The following BRWD1 variants were observed in gnomAD, a reference collection of about 807,000 sequenced individuals.
The protein encoded by BRWD1 is bromodomain and WD repeat domain containing 1, also known as bromodomain and WD repeat-containing protein 1.
BRWD1 carries 82 observed loss-of-function variants against 251.2 expected under a neutral mutation model. The observed-to-expected ratio is 0.33, with a 90% CI of 0.27 to 0.39. The LOEUF (loss-of-function observed/expected upper bound fraction) is 0.39. Ranked by LOEUF, BRWD1 falls within the 10% of genes least tolerant of loss-of-function variation. The probability of loss-of-function intolerance (pLI) is 1.00; values close to 1 mark genes in which losing one functional copy is unlikely to be tolerated. For missense variants in BRWD1, 2,233 were observed against 2,711.6 expected (o/e 0.82, Z 3.92); for synonymous variants, 918 against 902.8 (o/e 1.02, Z -0.30).
intron 29 of BRWD1, 26 bp downstream of exon 29, chr21:39,224,382 T>C: frequency 2.8e-6 from 4 of 1,409,478 alleles, no homozygotes; most frequent in Non-Finnish European, 3.9e-6. Flanking sequence ...AATAAAATGT[T>C]TTCATTATTT....
At chr21:39,222,489 C>G (rs1466765180) in intron 29 of BRWD1, among the ~76,000 whole-genome samples, 1 of 152,166 alleles carries the variant, frequency 6.6e-6, no homozygotes, top group East Asian at 1.9e-4. Flanking sequence ...TATGAAAACA[C>G]TCAAAGGCGA....
intron 36 of BRWD1, 51 bp from the exon 37 acceptor site, chr21:39,206,325 T>G (rs763729140): frequency 1.5e-6 from 2 of 1,317,464 alleles, no homozygotes; most frequent in South Asian, 2.8e-5. Flanking sequence ...TTAAAAGTAC[T>G]TAAGAAATAA....
In BRWD1 at chr21:39,264,585, A is replaced by G. The variant is rs369497599; in HGVS notation, c.1760T>C (p.Met587Thr). ...TACATCTACCAAGAATGGTGGAGGC[A>G]TAAGATGAGGAGCCTGCTGAGTTTG... is the stretch of plus-strand genomic sequence containing the variant. ...DEQTQQAPHLMPPPFLVDVDG... is the reference protein window; with the variant it reads ...DEQTQQAPHLTPPPFLVDVDG... Residue 587 changes from methionine (M) to threonine (T), a missense_variant, in exon 17 of 41, where the codon ATG (methionine) becomes ACG (threonine). Met to Thr is a moderately conservative substitution (Grantham distance 81). Coordinates refer to ENST00000342449, the MANE Select transcript of BRWD1 (RefSeq NM_033656.4). The G allele has an allele frequency of 6.8e-6, 11 of 1,613,528 alleles. No individual in the cohort carries two copies. Among genetic ancestry groups the G allele is most frequent in the Non-Finnish European group, 9.3e-6 (11 of 1,179,590 alleles).
At chr21:39,288,294 A>T (rs953793169) in intron 8 of BRWD1, among the ~76,000 whole-genome samples, 5 of 152,210 alleles carry the variant, frequency 3.3e-5, no homozygotes, top group African/African-American at 1.2e-4. Flanking sequence ...TGAAAGTCAC[A>T]TTATACCATT....
At chr21:39,199,799 G>A (rs2146462694) in intron 39 of BRWD1, 137 bp from the exon 40 acceptor site, 3 of 898,496 alleles carry the variant, frequency 3.3e-6, no homozygotes, top group East Asian at 5.3e-5. Context: ...TGCCCAGGCT[G>A]GAGTGCAATG....
rs752032707 is a variant in BRWD1, at chr21:39,313,306, G to A, written c.50-7C>T. The A allele has an allele frequency of 7.7e-6, 12 of 1,549,670 alleles. No individual in the cohort carries two copies. The highest frequency in any genetic ancestry group is 3.6e-5 in the Admixed American group (2 of 56,250). Reference sequence around the variant, plus strand: ...GCGATAAGGAAGTACAGCTCTGCGGGAAGACAAGGAGTCAGGTCAAGCCCC... The same window carrying A: ...GCGATAAGGAAGTACAGCTCTGCGGAAAGACAAGGAGTCAGGTCAAGCCCC... On this transcript the variant is annotated splice_polypyrimidine_tract_variant and splice_region_variant and intron_variant, in intron 1 of 40. Coordinates refer to ENST00000342449, the MANE Select transcript of BRWD1 (RefSeq NM_033656.4).
At position 39,197,284 on chromosome 21, in the gene BRWD1, G is replaced by A; in HGVS notation, c.5785C>T (p.Arg1929Ter). The A allele has an allele frequency of 6.2e-7, 1 of 1,613,978 alleles. No individual in the cohort carries two copies. The change falls in exon 41 of 41, where the codon CGA becomes TGA. Residue 1929 changes from arginine to a stop codon, truncating the protein, a stop_gained. Coordinates refer to ENST00000342449, the MANE Select transcript of BRWD1 (RefSeq NM_033656.4). LOFTEE classifies it low-confidence loss of function (END_TRUNC). ...KARTGLLRIT[R>*]RCAATAANKI... ...TTGGCAGCCGTAGCTGCACATCTTC[G>A]AGTAATCCTCAGGAGACCTGTTCTG...
intron 12 of BRWD1, among the ~76,000 whole-genome samples, 156 bp from the exon 13 acceptor site, chr21:39,274,628 C>G (rs1304747968): frequency 1.3e-5 from 2 of 152,140 alleles, no homozygotes; most frequent in Non-Finnish European, 2.9e-5. Flanking sequence ...TAGAGCGTAT[C>G]TGGATGGGAA....
chr21:39,261,516 G>A (rs2034744941), intron 17 of BRWD1, among the ~76,000 whole-genome samples: 2 of 152,222 alleles, frequency 1.3e-5, no homozygotes, highest in South Asian at 2.1e-4. Flanking sequence ...AGTGCCAGAA[G>A]TTTATTTCTA....
intron 13 of BRWD1, among the ~76,000 whole-genome samples, chr21:39,272,608 CTTTTT>C (rs777403730): frequency 7.6e-6 from 1 of 131,870 alleles, no homozygotes. Flanking sequence ...AATAACATTG[CTTTTT>C]TTTTTTTTTT....
chr21:39,268,442 C>CAAAAAAAAA (rs35682732), intron 15 of BRWD1, among the ~76,000 whole-genome samples: 1 of 109,270 alleles, frequency 9.2e-6, no homozygotes, highest in Non-Finnish European at 1.8e-5. Context: ...ACTCCATCTC[C>CAAAAAAAAA]AAAAAAAAAA....
chr21:39,256,738 G>A lies in BRWD1; in HGVS notation c.2072-910C>T, dbSNP rs146558725. 1.7e-3 allele frequency among the ~76,000 whole-genome samples: 265 copies of A among 152,308 alleles called. 1 individual carries two copies. Among genetic ancestry groups the A allele is most frequent in the Non-Finnish European group, 3.2e-3 (221 of 68,024 alleles). ...TACAACAGAAGGTGAAGGGGCTCCT[G>A]CTACTAACACAACAGAAAAACTGAG... is the stretch of plus-strand genomic sequence containing the variant. On this transcript the variant is annotated intron_variant, in intron 18 of 40. Coordinates refer to ENST00000342449, the MANE Select transcript of BRWD1 (RefSeq NM_033656.4).
At chr21:39,290,647 A>T (rs2035782462) in intron 8 of BRWD1, among the ~76,000 whole-genome samples, 1 of 152,170 alleles carries the variant, frequency 6.6e-6, no homozygotes. Context: ...TAAAACAGGC[A>T]CTCTCTCAAA....
chr21:39,187,303 T>G lies in BRWD1; in HGVS notation c.*8956A>C, dbSNP rs145055572. On this transcript the variant is annotated 3_prime_UTR_variant, in exon 41 of 41. Coordinates refer to ENST00000342449, the MANE Select transcript of BRWD1 (RefSeq NM_033656.4). Reference sequence around the variant, plus strand: ...AACAGTAGCACATCTGCGGGGAACTTTCTCAGGTACCATTTTTGCTTTCAG... The same window carrying G: ...AACAGTAGCACATCTGCGGGGAACTGTCTCAGGTACCATTTTTGCTTTCAG... 1.2e-6 allele frequency: 2 copies of G among 1,613,932 alleles called. No homozygotes were observed. The highest frequency in any genetic ancestry group is 1.7e-6 in the Non-Finnish European group (2 of 1,179,956).
rs555251167 is a variant in BRWD1, at chr21:39,200,035, G to A, written c.4753+184C>T. ...CCCAAAGTGCTGGGATTATAGGCGT[G>A]AGCCACCGCACCCAGCCTTTTCTTC... is the stretch of plus-strand genomic sequence containing the variant. On this transcript the variant is annotated intron_variant, in intron 39 of 40. Transcript: ENST00000342449. Among the ~76,000 whole-genome samples the A allele has an allele frequency of 1.1e-4, 17 of 152,324 alleles. 1 individual carries two copies. The South Asian group carries it at 3.5e-3, about 32-fold the overall frequency.
At position 39,186,436 on chromosome 21, in the gene BRWD1, T is replaced by A. The variant is rs954999262; in HGVS notation, c.*9823A>T. ...CTACTTCAGAACTCAATAATCAGTA[T>A]CTCCAGCTGAAATTCCCAGGTCCTC... On this transcript the variant is annotated 3_prime_UTR_variant, in exon 41 of 41. Coordinates refer to ENST00000342449, the MANE Select transcript of BRWD1 (RefSeq NM_033656.4). The A allele has an allele frequency of 3.3e-5, 5 of 152,240 alleles. No homozygotes were observed. The highest frequency in any genetic ancestry group is 1.2e-4 in the African/African-American group (5 of 41,456). The allele number at this position is 152,240 out of a possible 1,614,324, so 9.4% of individuals were successfully genotyped here.
chr21:39,314,067 G>A (rs973420016), upstream of BRWD1: 1 of 456,024 alleles, frequency 2.2e-6, no homozygotes, highest in Non-Finnish European at 4.4e-6. Flanking sequence ...CCCGCTCCGG[G>A]TCGCTCGGAA....
At chr21:39,274,782 C>T (rs1412583104) in intron 12 of BRWD1, among the ~76,000 whole-genome samples, 1 of 152,218 alleles carries the variant, frequency 6.6e-6, no homozygotes, top group African/African-American at 2.4e-5. Context: ...TGGCTCATGT[C>T]TGTAATCCCA....
chr21:39,240,331 A>C (rs1427079821), intron 21 of BRWD1, among the ~76,000 whole-genome samples: 3 of 152,158 alleles, frequency 2.0e-5, no homozygotes, highest in African/African-American at 4.8e-5. Flanking sequence ...TGTCATTATA[A>C]ATTTGTTAAA....
Sources: gnomAD v4.1 joint callset for allele counts (sites outside exome capture counted in the v4.1 genomes callset) on GRCh38, gnomAD v4.1.1 for gene constraint, MANE v1.5 for transcripts, NCBI Gene and HGNC (gene_info 2026-07-23, HGNC 2026-07-21) for gene names.